The following HERC4 variants were observed in gnomAD, a reference collection of about 807,000 sequenced individuals.
HERC4 encodes probable E3 ubiquitin-protein ligase HERC4.
HERC4 carries 28 observed loss-of-function variants against 124.3 expected under a neutral mutation model. That is an observed-to-expected ratio of 0.23 (90% CI 0.17 to 0.31). The LOEUF (loss-of-function observed/expected upper bound fraction) is 0.31, where lower values mean the gene tolerates loss of function less well. Ranked by LOEUF, HERC4 falls within the 10% of genes least tolerant of loss-of-function variation. The pLI, the probability that HERC4 is intolerant of heterozygous loss-of-function variation, is 1.00. For missense variants in HERC4, 713 were observed against 1,229.3 expected, an observed-to-expected ratio of 0.58 and a Z score of 6.28; for synonymous variants, 407 against 421.5, an observed-to-expected ratio of 0.97 and a Z score of 0.42.
At chr10:67,924,602 TG>T (rs1039810149) in intron 24 of HERC4, among the ~76,000 whole-genome samples, 2 of 152,238 alleles carry the variant, frequency 1.3e-5, no homozygotes, top group Non-Finnish European at 2.9e-5. Context: ...AAAGTCATTA[TG>T]TGGCACATGA....
intron 9 of HERC4, among the ~76,000 whole-genome samples, chr10:68,008,435 G>C (rs1232540743): frequency 1.3e-5 from 2 of 152,108 alleles, no homozygotes; most frequent in Middle Eastern, 3.2e-3. Flanking sequence ...TTATATGGGA[G>C]ACTTGAATTT....
chr10:67,936,263 C>A, intron 21 of HERC4, 28 bp from the exon 22 acceptor site: 2 of 1,311,282 alleles, frequency 1.5e-6, no homozygotes, highest in East Asian at 2.4e-5. Context: ...TAAAAAAAGT[C>A]AATGTCAGAC....
chr10:67,954,441 G>T, intron 19 of HERC4, 154 bp downstream of exon 19: 1 of 520,000 alleles, frequency 1.9e-6, no homozygotes, highest in Non-Finnish European at 3.1e-6. Flanking sequence ...ACAACTCCAA[G>T]TCCAAAGTTT....
chr10:68,001,401 C>G (rs867309760), intron 9 of HERC4, among the ~76,000 whole-genome samples: 1 of 151,766 alleles, frequency 6.6e-6, no homozygotes, highest in East Asian at 1.9e-4. Flanking sequence ...TCTTGTTTAC[C>G]CATGGCACTG....
chr10:68,037,950 T>C, intron 5 of HERC4, 143 bp downstream of exon 5: 1 of 572,750 alleles, frequency 1.7e-6, no homozygotes, highest in Non-Finnish European at 3.1e-6. Context: ...ACAAGCTAAT[T>C]CTAAAAGTTA....
chr10:68,032,463 G>A (rs1359125051), intron 7 of HERC4, among the ~76,000 whole-genome samples: 2 of 152,174 alleles, frequency 1.3e-5, no homozygotes, highest in Non-Finnish European at 2.9e-5. Context: ...ATCATGGCAA[G>A]CTTAATGAAC....
chr10:68,054,992 G>A (rs2040482966), intron 3 of HERC4, among the ~76,000 whole-genome samples: 2 of 151,650 alleles, frequency 1.3e-5, no homozygotes, highest in African/African-American at 4.8e-5. Flanking sequence ...GCACGATCTC[G>A]GCTCACTGCA....
At chr10:68,052,751 A>G (rs987463628) in intron 3 of HERC4, among the ~76,000 whole-genome samples, 3 of 152,200 alleles carry the variant, frequency 2.0e-5, no homozygotes, top group African/African-American at 7.2e-5. Context: ...TATATGATCA[A>G]TTTCACCATC....
intron 15 of HERC4, among the ~76,000 whole-genome samples, chr10:67,986,641 C>A (rs2036276826): frequency 6.6e-6 from 1 of 152,140 alleles, no homozygotes; most frequent in Admixed American, 6.5e-5. Context: ...CAAGCATGAG[C>A]CATCACGCCC....
At chr10:67,977,283 G>A (rs1005869930) in intron 15 of HERC4, among the ~76,000 whole-genome samples, 6 of 152,252 alleles carry the variant, frequency 3.9e-5, no homozygotes, top group Admixed American at 1.3e-4. Context: ...TGTAGCTCCT[G>A]AACAACATTT....
intron 12 of HERC4, 34 bp from the exon 13 acceptor site, chr10:67,991,049 AAAAATTT>A: frequency 7.3e-7 from 1 of 1,368,666 alleles, no homozygotes; most frequent in Non-Finnish European, 9.8e-7. Flanking sequence ...AAAATAGAAT[AAAAATTT>A]AAAATTATTT....
intron 8 of HERC4, among the ~76,000 whole-genome samples, 188 bp downstream of exon 8, chr10:68,025,358 A>C (rs2038847563): frequency 6.6e-6 from 1 of 152,240 alleles, no homozygotes; most frequent in Non-Finnish European, 1.5e-5. Context: ...AATCTGTTCA[A>C]GTAAAAATAA....
At chr10:67,969,290 T>C (rs2035084768) in intron 15 of HERC4, among the ~76,000 whole-genome samples, 1 of 152,176 alleles carries the variant, frequency 6.6e-6, no homozygotes, top group Non-Finnish European at 1.5e-5. Flanking sequence ...AAGAGGAAAC[T>C]ACTACTGTCA....
intron 3 of HERC4, among the ~76,000 whole-genome samples, chr10:68,053,732 T>A (rs2040423003): frequency 6.6e-6 from 1 of 152,190 alleles, no homozygotes; most frequent in Admixed American, 6.5e-5. Context: ...GAACCTCCCC[T>A]GATAAAGTGC....
intron 5 of HERC4, among the ~76,000 whole-genome samples, chr10:68,034,757 A>ACATC (rs944011989): frequency 6.6e-6 from 1 of 152,060 alleles, no homozygotes; most frequent in Non-Finnish European, 1.5e-5. Context: ...TTGGTAAGTA[A>ACATC]CATCCTAAGT....
At position 68,038,155 on chromosome 10, in the gene HERC4, A is replaced by G; in HGVS notation, c.401T>C (p.Leu134Ser). 6.6e-7 allele frequency: 1 copy of G among 1,523,238 alleles called. No individual in the cohort carries two copies. The highest frequency in any genetic ancestry group is 8.8e-7 in the Non-Finnish European group (1 of 1,133,950). 94.4% of individuals were successfully genotyped at this position (1,523,238 alleles called of 1,614,324 possible). ...AACCTGTACAATCTGGATATCTGAC[A>G]AACTTTTAATATTTCTAGAAAAGAA... ...CIRVPRNIKSLSDIQIVQVAC... is the reference protein window; with the variant it reads ...CIRVPRNIKSSSDIQIVQVAC... The change falls in exon 5 of 25, where the codon TTG becomes TCG. Residue 134 changes from leucine to serine, a missense_variant. Transcript: ENST00000373700.
intron 7 of HERC4, among the ~76,000 whole-genome samples, chr10:68,026,033 C>A (rs998055119): frequency 6.6e-6 from 1 of 152,170 alleles, no homozygotes; most frequent in African/African-American, 2.4e-5. Flanking sequence ...TAGTTACTGC[C>A]TTACATAAAT....
intron 23 of HERC4, 94 bp from the exon 24 acceptor site, chr10:67,925,281 T>C: frequency 1.6e-6 from 1 of 618,208 alleles, no homozygotes. Context: ...TTGCAACTTG[T>C]GCAATTCAAT....
At chr10:67,957,550 T>C (rs2034221619) in intron 16 of HERC4, among the ~76,000 whole-genome samples, 1 of 152,192 alleles carries the variant, frequency 6.6e-6, no homozygotes, top group African/African-American at 2.4e-5. Flanking sequence ...AGACACTTTA[T>C]AGACAATTAC....
Sources: allele counts gnomAD v4.1 joint callset (sites outside exome capture counted in the v4.1 genomes callset), GRCh38; gene constraint gnomAD v4.1.1; transcripts MANE v1.5; gene names NCBI Gene and HGNC (gene_info 2026-07-23, HGNC 2026-07-21).